PPP2R3B: variants seen among roughly 807,000 people sequenced by gnomAD.
PPP2R3B encodes the protein serine/threonine-protein phosphatase 2A regulatory subunit B'' subunit beta.
In PPP2R3B, 68 loss-of-function variants were observed where a neutral mutation model predicts 72.9. The ratio of observed to expected loss-of-function variants is 0.93; its 90% CI spans 0.77 to 1.14. The LOEUF (loss-of-function observed/expected upper bound fraction) is 1.14, where lower values mean the gene tolerates loss of function less well. Ranked by LOEUF, PPP2R3B falls within the 50% of genes most tolerant of loss-of-function variation. The pLI, the probability that PPP2R3B is intolerant of heterozygous loss-of-function variation, is 0.00. For synonymous variants in PPP2R3B, 466 were observed against 375.8 expected (o/e 1.24, Z -2.78); for missense variants, 1,018 against 842.0 (o/e 1.21, Z -2.59).
intron 1 of PPP2R3B, among the ~76,000 whole-genome samples, chrX:385,894 C>G (rs2072236760): frequency 6.6e-6 from 1 of 152,036 alleles, no homozygotes; most frequent in Admixed American, 6.6e-5. Context: ...CAGCCTGGCC[C>G]ACATGGGGGA....
chrX:347,265 A>G lies in PPP2R3B; in HGVS notation c.686T>C (p.Leu229Pro), dbSNP rs1420743881. 1 of 1,613,660 alleles carries G rather than the reference A, an allele frequency of 6.2e-7. No homozygotes were observed. Among genetic ancestry groups the G allele is most frequent in the African/African-American group, 1.3e-5 (1 of 74,904 alleles). The change falls in exon 4 of 13, where the codon CTG (leucine) becomes CCG (proline). Residue 229 changes from leucine (L) to proline (P), a missense_variant. Physicochemically the swap from Leu to Pro is moderately conservative, Grantham distance 98. Coordinates refer to ENST00000390665, the MANE Select transcript of PPP2R3B (RefSeq NM_013239.5). ...GAAGGGGACAAAGTCCTCCTGCACC[A>G]GGTAGTTGCAGCCGGGGCTCATGAG... ...HLLMSPGCNY[L>P]VQEDFVPFLQ...
chrX:347,372 G>T, intron 3 of PPP2R3B, 36 bp from the exon 4 acceptor site: 1 of 1,594,304 alleles, frequency 6.3e-7, no homozygotes, highest in Middle Eastern at 1.7e-4. Context: ...CACCCTCACA[G>T]GGGGGTGGCT....
intron 12 of PPP2R3B, chrX:336,942 CA>C (rs1256078273): frequency 1.3e-5 from 2 of 152,228 alleles, no homozygotes; most frequent in Non-Finnish European, 2.9e-5. Flanking sequence ...AGATCTCACT[CA>C]AAAGTTCAGA....
At chrX:345,698 G>C in intron 6 of PPP2R3B, 26 bp from the exon 7 acceptor site, 1 of 1,609,466 alleles carries the variant, frequency 6.2e-7, no homozygotes, top group Non-Finnish European at 8.5e-7. Flanking sequence ...GGCGGCCTGA[G>C]CGCGGGGCCT....
At chrX:342,553 C>G (rs866977487) in intron 7 of PPP2R3B, among the ~76,000 whole-genome samples, 8 of 11,326 alleles carry the variant, frequency 7.1e-4, no homozygotes, top group African/African-American at 2.5e-3. Context: ...GGAGACCTCG[C>G]CAACGGGAGG....
At chrX:356,198 G>A (rs765258747) in intron 2 of PPP2R3B, among the ~76,000 whole-genome samples, 8 of 152,280 alleles carry the variant, frequency 5.3e-5, no homozygotes, top group East Asian at 3.9e-4. Context: ...GGGCCACCCC[G>A]GAAGCAGGGT....
At position 364,186 on chromosome X, in the gene PPP2R3B, C is replaced by G. The variant is rs1477564427; in HGVS notation, c.325-2596G>C. On this transcript the variant is annotated intron_variant, in intron 1 of 12. Transcript: ENST00000390665. ...CTCCGGGGAAGCTCCCAGAACGCGT[C>G]ACCTTCAGTGGGAAGAATGAGCTCC... Among the ~76,000 whole-genome samples, 4 of 152,334 alleles carry G rather than the reference C, an allele frequency of 2.6e-5. No homozygotes were observed. The East Asian group carries it at 7.7e-4, about 29-fold the overall frequency.
chrX:347,445 GC>G, intron 3 of PPP2R3B, 109 bp from the exon 4 acceptor site: 1 of 1,351,602 alleles, frequency 7.4e-7, no homozygotes, highest in Non-Finnish European at 1.1e-6. Context: ...GTGGCAGGTG[GC>G]CACACACGAC....
In PPP2R3B at chrX:334,253, G is replaced by T. The variant is rs949355626; in HGVS notation, c.*114C>A. On this transcript the variant is annotated 3_prime_UTR_variant, in exon 13 of 13. Coordinates refer to ENST00000390665, the MANE Select transcript of PPP2R3B (RefSeq NM_013239.5). Reference sequence around the variant, plus strand: ...AACACGCTTCTGTGAATAAATAAAAGTTTATCATTCCGTACAAACGCACTC... The same window carrying T: ...AACACGCTTCTGTGAATAAATAAAATTTTATCATTCCGTACAAACGCACTC... 1 of 1,219,218 alleles carries T rather than the reference G, an allele frequency of 8.2e-7. No individual in the cohort carries two copies. The highest frequency in any genetic ancestry group is 1.1e-6 in the Non-Finnish European group (1 of 931,998). 75.5% of individuals were successfully genotyped at this position (1,219,218 alleles called of 1,614,324 possible).
chrX:347,764 G>A (rs771253446), intron 2 of PPP2R3B, 71 bp from the exon 3 acceptor site: 52 of 1,205,860 alleles, frequency 4.3e-5, no homozygotes, highest in Middle Eastern at 2.8e-4. Context: ...CGTACCTCGC[G>A]CCTGACCGAC....
At chrX:373,837 C>A (rs2071927294) in intron 1 of PPP2R3B, 1 of 152,148 alleles carries the variant, frequency 6.6e-6, no homozygotes, top group East Asian at 1.9e-4. Flanking sequence ...CTGAGGAGGG[C>A]GCATGGCGCC....
At chrX:368,608 C>T (rs1324651281) in intron 1 of PPP2R3B, among the ~76,000 whole-genome samples, 1 of 103,996 alleles carries the variant, frequency 9.6e-6, no homozygotes, top group African/African-American at 4.2e-5. Flanking sequence ...GGGGGAAGGC[C>T]GGGACCACCC....
intron 1 of PPP2R3B, among the ~76,000 whole-genome samples, chrX:370,906 C>T (rs5987282): frequency 0.31 from 46,857 of 152,030 alleles, 8,404 homozygotes; most frequent in African/African-American, 0.48. Context: ...TGCGTGGTGC[C>T]GTGTAGGGTC....
intron 10 of PPP2R3B, among the ~76,000 whole-genome samples, chrX:339,275 G>GGGA (rs1433526026): frequency 2.0e-5 from 3 of 150,100 alleles, no homozygotes; most frequent in East Asian, 4.0e-4. Flanking sequence ...CCATGGCCGG[G>GGGA]GGGGGCAGGG....
chrX:355,721 AG>A (rs959601146), intron 2 of PPP2R3B, among the ~76,000 whole-genome samples: 11 of 151,434 alleles, frequency 7.3e-5, no homozygotes, highest in African/African-American at 2.4e-4. Context: ...AATAAAAAAA[AG>A]TGCCTGCTGT....
chrX:336,012 CAAAA>C (rs1189305590), intron 12 of PPP2R3B: 1 of 151,968 alleles, frequency 6.6e-6, no homozygotes, highest in Non-Finnish European at 1.5e-5. Flanking sequence ...CAAAAAAATA[CAAAA>C]AAGTAGCCGG....
rs762277311 is a variant in PPP2R3B, at chrX:359,586, G to C, written c.510+1819C>G. Among the ~76,000 whole-genome samples, 12 of 152,266 alleles carry C rather than the reference G, an allele frequency of 7.9e-5. No homozygotes were observed. In the South Asian group the frequency reaches 2.5e-3, roughly 32 times the overall value. ...TATAGAATGATCCTAATTTTTACTG[G>C]AAGATGGTTTTGCATGGTTGTGACT... On this transcript the variant is annotated intron_variant, in intron 2 of 12. Coordinates refer to ENST00000390665, the MANE Select transcript of PPP2R3B (RefSeq NM_013239.5).
intron 1 of PPP2R3B, chrX:374,085 G>A (rs1416970681): frequency 6.6e-6 from 1 of 151,658 alleles, no homozygotes; most frequent in Non-Finnish European, 1.5e-5. Context: ...GTCCCCGAGA[G>A]GAGAGCCTGG....
Position 361,591 on chromosome X carries a change from C to G in PPP2R3B, c.325-1G>C. The G allele has an allele frequency of 6.2e-7, 1 of 1,613,674 alleles. No individual in the cohort carries two copies. Among genetic ancestry groups the G allele is most frequent in the Non-Finnish European group, 8.5e-7 (1 of 1,179,592 alleles). ...GAGGCTCTTCTTTCCGTGTCTGAAC[C>G]TGAAGAGTCGACAGACAGCGCTCAG... On this transcript the variant is annotated splice_acceptor_variant, in intron 1 of 12. Coordinates refer to ENST00000390665, the MANE Select transcript of PPP2R3B (RefSeq NM_013239.5). LOFTEE classifies it high-confidence loss of function.
Sources: allele counts gnomAD v4.1 joint callset (sites outside exome capture counted in the v4.1 genomes callset), GRCh38; gene constraint gnomAD v4.1.1; transcripts MANE v1.5; gene names NCBI Gene and HGNC (gene_info 2026-07-23, HGNC 2026-07-21).